CFAP299: variants seen among roughly 807,000 people sequenced by gnomAD.
The protein encoded by CFAP299 is cilia- and flagella-associated protein 299.
Under a neutral mutation model 27.0 loss-of-function variants are expected in CFAP299, and 21 were observed. The observed-to-expected ratio is 0.78, with a 90% CI of 0.55 to 1.12. The LOEUF is 1.12. Among genes scored for constraint, CFAP299 ranks in the 50% most tolerant of loss-of-function variants. CFAP299 has a pLI of 0.00. For missense variants in CFAP299, 310 were observed against 276.6 expected, an observed-to-expected ratio of 1.12 and a Z score of -0.86; for synonymous variants, 104 against 98.1, an observed-to-expected ratio of 1.06 and a Z score of -0.36.
At chr4:80,582,981 G>T (rs936099547) in intron 2 of CFAP299, 112 bp from the exon 3 acceptor site, 1 of 554,912 alleles carries the variant, frequency 1.8e-6, no homozygotes, top group Non-Finnish European at 3.2e-6. Context: ...TATTTATATG[G>T]TTTTCATGTT....
intron 4 of CFAP299, among the ~76,000 whole-genome samples, chr4:80,894,732 C>A (rs35296051): frequency 6.6e-6 from 1 of 151,822 alleles, no homozygotes; most frequent in Non-Finnish European, 1.5e-5. Flanking sequence ...AATATTTGAA[C>A]TCCTATGTTC....
intron 3 of CFAP299, among the ~76,000 whole-genome samples, chr4:80,645,037 G>T (rs1221990971): frequency 6.6e-6 from 1 of 151,862 alleles, no homozygotes; most frequent in Non-Finnish European, 1.5e-5. Flanking sequence ...ATATTTTTCA[G>T]TCCAGACATC....
intron 2 of CFAP299, among the ~76,000 whole-genome samples, chr4:80,511,083 A>G (rs1732275111): frequency 1.3e-5 from 2 of 152,176 alleles, no homozygotes; most frequent in Admixed American, 6.6e-5. Context: ...AAGAAGCAAT[A>G]TAATGCGGTG....
At chr4:80,717,728 C>A (rs1362622196) in intron 3 of CFAP299, among the ~76,000 whole-genome samples, 1 of 152,010 alleles carries the variant, frequency 6.6e-6, no homozygotes, top group Non-Finnish European at 1.5e-5. Context: ...TTATCAACAA[C>A]CCAACTAGGT....
chr4:80,417,344 C>G (rs901754088), intron 2 of CFAP299, among the ~76,000 whole-genome samples: 42 of 152,124 alleles, frequency 2.8e-4, no homozygotes, highest in African/African-American at 9.4e-4. Context: ...GTATCTTTTG[C>G]TAACCTCCTA....
At chr4:80,583,003 G>T in intron 2 of CFAP299, 90 bp from the exon 3 acceptor site, 1 of 684,208 alleles carries the variant, frequency 1.5e-6, no homozygotes, top group Non-Finnish European at 2.4e-6. Context: ...CAAGGAAATT[G>T]TCACTTAAAG....
chr4:80,901,350 A>G (rs1422257454), intron 4 of CFAP299, among the ~76,000 whole-genome samples: 2 of 152,148 alleles, frequency 1.3e-5, no homozygotes, highest in East Asian at 3.8e-4. Context: ...AGCTCCCAGG[A>G]TCTGCTAGAG....
intron 3 of CFAP299, among the ~76,000 whole-genome samples, chr4:80,717,496 G>A (rs778671777): frequency 6.6e-6 from 1 of 152,064 alleles, no homozygotes; most frequent in African/African-American, 2.4e-5. Context: ...ATGACTACTA[G>A]TCTTTTTCCA....
the CFAP299 span, among the ~76,000 whole-genome samples, chr4:80,329,203 G>T: frequency 1.8e-4 from 7 of 38,284 alleles, no homozygotes; most frequent in African/African-American, 7.1e-4. Flanking sequence ...GCAGTACACT[G>T]TATACATATA....
At chr4:80,527,078 A>G (rs1733226324) in intron 2 of CFAP299, among the ~76,000 whole-genome samples, 1 of 152,134 alleles carries the variant, frequency 6.6e-6, no homozygotes, top group Non-Finnish European at 1.5e-5. Context: ...GATCATGCAC[A>G]CAAGTGCTTA....
intron 4 of CFAP299, among the ~76,000 whole-genome samples, chr4:80,904,933 A>C (rs1164995490): frequency 6.8e-6 from 1 of 147,090 alleles, no homozygotes; most frequent in East Asian, 1.9e-4. Flanking sequence ...TGACAGAAAA[A>C]AATTATAATT....
intron 3 of CFAP299, among the ~76,000 whole-genome samples, chr4:80,862,728 C>T (rs1259354999): frequency 1.3e-5 from 2 of 152,076 alleles, no homozygotes; most frequent in East Asian, 1.9e-4. Flanking sequence ...GAGCCCAAGC[C>T]TCCAACAGGA....
chr4:80,428,665 TAC>T (rs1274352942), intron 2 of CFAP299, among the ~76,000 whole-genome samples: 1 of 151,368 alleles, frequency 6.6e-6, no homozygotes, highest in African/African-American at 2.4e-5. Context: ...TAGCTGGGAT[TAC>T]AGGTGCCTGC....
At chr4:80,615,777 C>A (rs59433566) in intron 3 of CFAP299, among the ~76,000 whole-genome samples, 1 of 152,082 alleles carries the variant, frequency 6.6e-6, no homozygotes, top group Non-Finnish European at 1.5e-5. Context: ...GGATCCTTCC[C>A]TATTTCATTC....
intron 3 of CFAP299, among the ~76,000 whole-genome samples, chr4:80,865,065 C>G (rs1044313772): frequency 2.8e-4 from 43 of 152,218 alleles, no homozygotes; most frequent in African/African-American, 1.0e-3. Context: ...GGATGCTCCC[C>G]TCTCTAGCTA....
intron 3 of CFAP299, among the ~76,000 whole-genome samples, chr4:80,800,576 A>AAATATAT (rs1419202456): frequency 1.3e-5 from 1 of 77,222 alleles, no homozygotes; most frequent in Non-Finnish European, 2.2e-5. Context: ...ATATTAATAT[A>AAATATAT]AATATATAAT....
At chr4:80,767,615 A>T (rs954516041) in intron 3 of CFAP299, among the ~76,000 whole-genome samples, 5 of 152,192 alleles carry the variant, frequency 3.3e-5, no homozygotes, top group Admixed American at 1.3e-4. Context: ...TCTCAAAAAA[A>T]TTAAAAAAAT....
chr4:80,707,272 T>A (rs1236121695), intron 3 of CFAP299, among the ~76,000 whole-genome samples: 1 of 151,986 alleles, frequency 6.6e-6, no homozygotes, highest in Non-Finnish European at 1.5e-5. Context: ...GAGATGAGAC[T>A]GGTTTTTAAG....
intron 3 of CFAP299, among the ~76,000 whole-genome samples, chr4:80,835,382 A>G (rs1730508174): frequency 6.6e-6 from 1 of 151,902 alleles, no homozygotes; most frequent in African/African-American, 2.4e-5. Flanking sequence ...CTGCACGTAC[A>G]TCACCTGGGG....
Sources: allele counts gnomAD v4.1 joint callset (sites outside exome capture counted in the v4.1 genomes callset), GRCh38; gene constraint gnomAD v4.1.1; transcripts MANE v1.5; gene names NCBI Gene and HGNC (gene_info 2026-07-23, HGNC 2026-07-21).